NKAIN2: variants seen among roughly 807,000 people sequenced by gnomAD.
The protein encoded by NKAIN2 is sodium/potassium transporting ATPase interacting 2.
In NKAIN2, 14 loss-of-function variants were observed where a neutral mutation model predicts 32.6. That is an observed-to-expected ratio of 0.43 (90% CI 0.28 to 0.67). The LOEUF (loss-of-function observed/expected upper bound fraction) is 0.67, where lower values mean the gene tolerates loss of function less well. Among genes scored for constraint, NKAIN2 ranks in the 30% least tolerant of loss-of-function variants. The probability of loss-of-function intolerance (pLI) is 0.17; values close to 1 mark genes in which losing one functional copy is unlikely to be tolerated. For missense variants in NKAIN2, 198 were observed against 258.3 expected (o/e 0.77, Z 1.60); for synonymous variants, 80 against 87.2 (o/e 0.92, Z 0.46).
intron 3 of NKAIN2, among the ~76,000 whole-genome samples, chr6:124,426,294 GAC>G (rs1774978632): frequency 6.6e-6 from 1 of 151,936 alleles, no homozygotes; most frequent in Admixed American, 6.6e-5. Context: ...TTTTTGATAA[GAC>G]ACTAAAAACA....
intron 1 of NKAIN2, among the ~76,000 whole-genome samples, chr6:123,851,426 T>A (rs1775343948): frequency 6.6e-6 from 1 of 152,034 alleles, no homozygotes; most frequent in South Asian, 2.1e-4. Context: ...AGTTTTGTAT[T>A]TTTTAGTCAA....
chr6:124,392,323 AAG>A (rs1344075260), intron 3 of NKAIN2, among the ~76,000 whole-genome samples: 11 of 152,164 alleles, frequency 7.2e-5, no homozygotes, highest in African/African-American at 2.7e-4. Flanking sequence ...TGGCCATAGT[AAG>A]TACTCAATAG....
chr6:124,715,961 G>A (rs918294706), intron 4 of NKAIN2, among the ~76,000 whole-genome samples: 7 of 152,128 alleles, frequency 4.6e-5, no homozygotes, highest in African/African-American at 1.4e-4. Flanking sequence ...TCAAAGTAAA[G>A]CCCCGTGTTT....
chr6:123,860,841 T>G (rs1411757573), intron 1 of NKAIN2, among the ~76,000 whole-genome samples: 1 of 152,206 alleles, frequency 6.6e-6, no homozygotes, highest in Non-Finnish European at 1.5e-5. Flanking sequence ...CATGTCTCCT[T>G]GCCTCTAATT....
intron 5 of NKAIN2, among the ~76,000 whole-genome samples, chr6:124,793,891 T>C (rs951755724): frequency 2.0e-5 from 3 of 152,176 alleles, no homozygotes; most frequent in Non-Finnish European, 4.4e-5. Flanking sequence ...GGCTTGATTA[T>C]ATCCACAGTT....
chr6:124,687,712 TAATA>T (rs1251557469), intron 4 of NKAIN2, among the ~76,000 whole-genome samples: 1 of 49,902 alleles, frequency 2.0e-5, no homozygotes, highest in Non-Finnish European at 4.6e-5. Context: ...TATATGAATA[TAATA>T]TATATAATAT....
chr6:124,445,643 A>G (rs1197276400), intron 3 of NKAIN2, among the ~76,000 whole-genome samples: 1 of 152,090 alleles, frequency 6.6e-6, no homozygotes, highest in Non-Finnish European at 1.5e-5. Flanking sequence ...AACACCTATA[A>G]TCTTTTGTCA....
chr6:124,428,837 G>A (rs1217600468), intron 3 of NKAIN2, among the ~76,000 whole-genome samples: 1 of 152,124 alleles, frequency 6.6e-6, no homozygotes, highest in African/African-American at 2.4e-5. Context: ...GTATGCATGT[G>A]TGTGCCCGTG....
Position 124,276,946 on chromosome 6 carries a change from A to G in NKAIN2, c.55-6059A>G, listed in dbSNP as rs554221301. Among the ~76,000 whole-genome samples the G allele has an allele frequency of 2.0e-5, 3 of 152,326 alleles. No homozygotes were observed. In the South Asian group the frequency reaches 6.2e-4, roughly 32 times the overall value. On this transcript the variant is annotated intron_variant, in intron 1 of 6. Coordinates refer to ENST00000368417, the MANE Select transcript of NKAIN2 (RefSeq NM_001040214.3). Reference sequence around the variant, plus strand: ...AGCAAAGGGCAGAGTAAACCTAGACATCAAGGTTAACGCAAAATTAGCAGC... The same window carrying G: ...AGCAAAGGGCAGAGTAAACCTAGACGTCAAGGTTAACGCAAAATTAGCAGC...
intron 1 of NKAIN2, among the ~76,000 whole-genome samples, chr6:124,247,391 A>C (rs1793462872): frequency 6.6e-6 from 1 of 152,168 alleles, no homozygotes; most frequent in African/African-American, 2.4e-5. Flanking sequence ...ACAAGAAATG[A>C]TAGTGAAGTG....
chr6:124,160,677 T>G (rs148092234), intron 1 of NKAIN2, among the ~76,000 whole-genome samples: 181 of 152,290 alleles, frequency 1.2e-3, no homozygotes, highest in African/African-American at 4.1e-3. Context: ...GCAAATTTTA[T>G]TATTATGATC....
chr6:124,234,752 A>G lies in NKAIN2; in HGVS notation c.55-48253A>G, dbSNP rs570620404. ...CCATGTAGGATTTACTAACTGCACAATCAGCTCAGTAGCCTCCCACAGATT... is the reference window on the plus strand; with the variant it reads ...CCATGTAGGATTTACTAACTGCACAGTCAGCTCAGTAGCCTCCCACAGATT... On this transcript the variant is annotated intron_variant, in intron 1 of 6. Coordinates refer to ENST00000368417, the MANE Select transcript of NKAIN2 (RefSeq NM_001040214.3). Among the ~76,000 whole-genome samples, 15 of 152,242 alleles carry G rather than the reference A, an allele frequency of 9.9e-5. No homozygotes were observed. In the South Asian group the frequency reaches 2.9e-3, roughly 29 times the overall value.
chr6:123,967,025 A>C (rs1411455541), intron 1 of NKAIN2, among the ~76,000 whole-genome samples: 4 of 152,220 alleles, frequency 2.6e-5, no homozygotes, highest in African/African-American at 9.6e-5. Flanking sequence ...AGAAATGATT[A>C]ATTTAGAGAT....
intron 1 of NKAIN2, among the ~76,000 whole-genome samples, chr6:123,968,912 G>A (rs568713470): frequency 4.5e-4 from 69 of 152,280 alleles, no homozygotes; most frequent in African/African-American, 1.6e-3. Flanking sequence ...GCACCTTGCT[G>A]TGCTGGGCTG....
chr6:124,021,203 A>T (rs1780847923), intron 1 of NKAIN2, among the ~76,000 whole-genome samples: 1 of 151,716 alleles, frequency 6.6e-6, no homozygotes, highest in Non-Finnish European at 1.5e-5. Context: ...GTACACATTT[A>T]AAAAGTTTGA....
chr6:124,354,539 AC>A (rs1798880011), intron 2 of NKAIN2, among the ~76,000 whole-genome samples: 4 of 152,184 alleles, frequency 2.6e-5, no homozygotes, highest in African/African-American at 9.6e-5. Context: ...AAAAGGAGAC[AC>A]CAAAGAGAGA....
chr6:124,267,705 T>C (rs984312024), intron 1 of NKAIN2, among the ~76,000 whole-genome samples: 1 of 152,188 alleles, frequency 6.6e-6, no homozygotes, highest in African/African-American at 2.4e-5. Flanking sequence ...AAAATATTTT[T>C]AAAGCAGTGA....
At chr6:124,385,175 T>G (rs1236612186) in intron 3 of NKAIN2, among the ~76,000 whole-genome samples, 2 of 152,120 alleles carry the variant, frequency 1.3e-5, no homozygotes, top group African/African-American at 4.8e-5. Context: ...CTGAATATAT[T>G]TTCTTTTAGC....
chr6:123,975,018 T>C (rs1490290333), intron 1 of NKAIN2, among the ~76,000 whole-genome samples: 1 of 152,198 alleles, frequency 6.6e-6, no homozygotes, highest in African/African-American at 2.4e-5. Context: ...TTCCTCATTT[T>C]AGCGTATGTT....
Sources: gnomAD v4.1 joint callset for allele counts (sites outside exome capture counted in the v4.1 genomes callset) on GRCh38, gnomAD v4.1.1 for gene constraint, MANE v1.5 for transcripts, NCBI Gene and HGNC (gene_info 2026-07-23, HGNC 2026-07-21) for gene names.